Variants in RYR1 observed in about 807,000 individuals in gnomAD.
RYR1 encodes the protein central core disease of muscle.
Under a neutral mutation model 583.5 loss-of-function variants are expected in RYR1, and 342 were observed. The ratio of observed to expected loss-of-function variants is 0.59; its 90% confidence interval spans 0.54 to 0.64. RYR1 has a LOEUF of 0.64. Ranked by LOEUF, RYR1 falls within the 30% of genes least tolerant of loss-of-function variation. The probability of loss-of-function intolerance (pLI) is 0.00; values close to 1 mark genes in which losing one functional copy is unlikely to be tolerated. For synonymous variants in RYR1, 2,791 were observed against 2,822.5 expected (o/e 0.99, Z 0.35); for missense variants, 6,032 against 6,917.2 (o/e 0.87, Z 4.54).
rs1175081117 is a variant in RYR1 at position 38,485,869 on chromosome 19, G to A, written c.5214G>A (p.Thr1738=). ...TCTCTGAATACATCGTGCCCCTCAC[G>A]CCTGAGACCCGCGCCATCACGCTCT... ...SMLSEYIVPL[T]PETRAITLFP... is the part of the protein sequence containing the mutation. Residue 1738 remains threonine (T), a synonymous_variant, in exon 34 of 106, where the codon ACG becomes ACA. Transcript: ENST00000359596. 1.9e-6 allele frequency: 3 copies of A among 1,613,660 alleles called. No individual in the cohort carries two copies. The highest frequency in any genetic ancestry group is 2.2e-5 in the South Asian group (2 of 91,084).
rs1008695787 is a variant in RYR1 at position 38,465,054 on chromosome 19, G to A, written c.2870+332G>A. ...GGTAAGAGGTGAGAATCTGGAGGTC[G>A]TTGGAGTCGTCTAAGTAAGGGATCC... On this transcript the variant is annotated intron_variant, in intron 23 of 105. Coordinates refer to ENST00000359596, the MANE Select transcript of RYR1 (RefSeq NM_000540.3). Among the ~76,000 whole-genome samples the A allele has an allele frequency of 2.2e-4, 34 of 152,230 alleles. 1 individual carries two copies. The highest frequency in any genetic ancestry group is 2.6e-4 in the Non-Finnish European group (18 of 68,016).
At position 38,444,083 on chromosome 19, in the gene RYR1, C is replaced by T; in HGVS notation, c.425-66C>T. ...CCCGGGAGGCCTGGTGGAGGGAGAG[C>T]CCTGGGGAAGAGCATTCTGGGAAGC... On this transcript the variant is annotated intron_variant, in intron 5 of 105. Coordinates refer to ENST00000359596, the MANE Select transcript of RYR1 (RefSeq NM_000540.3). The surrounding 1 kb of genome is among the most constrained non-coding windows in gnomAD (Gnocchi z 5.1). 7.3e-7 allele frequency: 1 copy of T among 1,373,938 alleles called. No individual in the cohort carries two copies. 85.1% of individuals were successfully genotyped at this position (1,373,938 alleles called of 1,614,324 possible). A position where few individuals can be genotyped will look rare whatever the true frequency, so the allele number is the denominator to read the frequency against.
At chr19:38,525,220 GA>G (rs1568537473) in intron 70 of RYR1, 111 bp from the exon 71 acceptor site, 14 of 1,261,078 alleles carry the variant, frequency 1.1e-5, no homozygotes, top group Non-Finnish European at 9.2e-6. Flanking sequence ...GGCAGTTGGG[GA>G]GGGAGTGCCT....
intron 24 of RYR1, 122 bp from the exon 25 acceptor site, chr19:38,467,488 C>G (rs115703825): frequency 1.3e-5 from 14 of 1,068,254 alleles, no homozygotes; most frequent in South Asian, 1.1e-4. Flanking sequence ...AGAAATTGAC[C>G]CTCTTCCAAC....
intron 7 of RYR1, 65 bp from the exon 8 acceptor site, chr19:38,446,401 ACTTCAT>A: frequency 8.5e-7 from 1 of 1,180,146 alleles, no homozygotes; most frequent in Non-Finnish European, 1.3e-6. Context: ...AGGGCCCCTG[ACTTCAT>A]CTTGGCTCCT....
rs1973106525 is a variant in RYR1 at position 38,561,013 on chromosome 19, C to A, written c.12283-100C>A. ...CTGTGATTGCGCCACTGCACTCCAG[C>A]CTGGGCGACACAGCGAGACCTTGTC... is the stretch of plus-strand genomic sequence containing the variant. On this transcript the variant is annotated intron_variant, in intron 89 of 105. Transcript: ENST00000359596. The surrounding 1 kb of genome is among the most constrained non-coding windows in gnomAD (Gnocchi z 4.8). The A allele has an allele frequency of 1.8e-6, 2 of 1,140,288 alleles. No homozygotes were observed. The highest frequency in any genetic ancestry group is 2.5e-6 in the Non-Finnish European group (2 of 790,542). The allele number at this position is 1,140,288 out of a possible 1,614,324, so 70.6% of individuals were successfully genotyped here.
intron 27 of RYR1, among the ~76,000 whole-genome samples, chr19:38,471,463 G>A (rs1022326517): frequency 3.9e-5 from 6 of 152,198 alleles, no homozygotes; most frequent in South Asian, 2.1e-4. Context: ...CCAGGATTTC[G>A]GGGCTGCAGT....
Position 38,573,346 on chromosome 19 carries a change from G to C in RYR1, c.14129+39G>C. 1.9e-6 allele frequency: 3 copies of C among 1,607,000 alleles called. No homozygotes were observed. The East Asian group carries it at 6.7e-5, about 36-fold the overall frequency. On this transcript the variant is annotated intron_variant, in intron 96 of 105. Transcript: ENST00000359596. ...CCCCACCTCAGGGTGGCAGCAGGAG[G>C]GGACCTGGGTTTCCACCCAGTCCAG...
Position 38,498,031 on chromosome 19 carries a change from A to G in RYR1, c.6891+1077A>G, listed in dbSNP as rs543740054. On this transcript the variant is annotated intron_variant, in intron 42 of 105. Transcript: ENST00000359596. ...AAGTGACATTTGTGTAAAGCTCTGA[A>G]GGAAGGTGACAGGTCAGGTGGTCAT... Among the ~76,000 whole-genome samples the G allele has an allele frequency of 3.3e-5, 5 of 152,260 alleles. No individual in the cohort carries two copies. The East Asian group carries it at 9.6e-4, about 29-fold the overall frequency.
Position 38,500,075 on chromosome 19 carries a change from C to T in RYR1, c.7323+59C>T, listed in dbSNP as rs1434948607. On this transcript the variant is annotated intron_variant, in intron 45 of 105. Coordinates refer to ENST00000359596, the MANE Select transcript of RYR1 (RefSeq NM_000540.3). The surrounding 1 kb of genome is among the most constrained non-coding windows in gnomAD (Gnocchi z 5.9). ...AGGGCAGGCACAGCCGCTTTGAACGCCTCATGCAGGCACTCGGTGACACGG... is the reference window on the plus strand; with the variant it reads ...AGGGCAGGCACAGCCGCTTTGAACGTCTCATGCAGGCACTCGGTGACACGG... 1.4e-6 allele frequency: 2 copies of T among 1,469,152 alleles called. No homozygotes were observed. The highest frequency in any genetic ancestry group is 1.9e-6 in the Non-Finnish European group (2 of 1,052,966). The allele number at this position is 1,469,152 out of a possible 1,614,324, so 91.0% of individuals were successfully genotyped here.
intron 101 of RYR1, among the ~76,000 whole-genome samples, chr19:38,581,895 A>G (rs192622050): frequency 6.6e-6 from 1 of 152,288 alleles, no homozygotes; most frequent in East Asian, 1.9e-4. Flanking sequence ...GATGTGAGCA[A>G]CTGCACCCGG....
Position 38,494,592 on chromosome 19 carries a change from C to T in RYR1, c.6515C>T (p.Pro2172Leu), listed in dbSNP as rs376564417. ...TCGCTGCTCATCGTGCAGATGGGCC[C>T]CCAGGAGGAGAACCTCATGATCCAG... ...IRSLLIVQMG[P>L]QEENLMIQSI... The change falls in exon 39 of 106, where the codon CCC becomes CTC. Residue 2172 changes from proline to leucine, a missense_variant. Physicochemically the swap from Pro to Leu is moderately conservative, Grantham distance 98 (BLOSUM62 -3). Transcript: ENST00000359596. The T allele has an allele frequency of 1.9e-6, 3 of 1,614,020 alleles. No individual in the cohort carries two copies. The African/African-American group carries it at 4.0e-5, about 22-fold the overall frequency.
chr19:38,468,489 C>T (rs1052765815), intron 25 of RYR1, among the ~76,000 whole-genome samples: 5 of 152,226 alleles, frequency 3.3e-5, no homozygotes, highest in Non-Finnish European at 7.3e-5. Flanking sequence ...TTCTCTGTAT[C>T]AACCCAGGTA....
At chr19:38,535,850 T>C in intron 81 of RYR1, 147 bp from the exon 82 acceptor site, 2 of 763,506 alleles carry the variant, frequency 2.6e-6, no homozygotes, top group South Asian at 3.0e-5. Context: ...TTCTGCCAAC[T>C]CTTCATTTCT....
At position 38,444,607 on chromosome 19, in the gene RYR1, G is replaced by A. The variant is rs1016333794; in HGVS notation, c.561G>A (p.Glu187=). The change falls in exon 7 of 106, where the codon GAG becomes GAA. Residue 187 remains glutamate, a synonymous_variant. Transcript: ENST00000359596. This position sits in a 1 kb window ranked among gnomAD's most constrained non-coding sequence, Gnocchi z 5.1. ...AGCACCTGTCGACCGCCAGTGGGGAGCTCCAGGTTGACGCTTCCTTCATGC... is the reference window on the plus strand; with the variant it reads ...AGCACCTGTCGACCGCCAGTGGGGAACTCCAGGTTGACGCTTCCTTCATGC... ...RYLHLSTASG[E]LQVDASFMQT... 5 of 1,614,002 alleles carry A rather than the reference G, an allele frequency of 3.1e-6. No homozygotes were observed. Among genetic ancestry groups the A allele is most frequent in the East Asian group, 2.2e-5 (1 of 44,874 alleles).
intron 36 of RYR1, 100 bp from the exon 37 acceptor site, chr19:38,490,521 G>T: frequency 1.2e-6 from 1 of 866,606 alleles, no homozygotes; most frequent in Non-Finnish European, 1.9e-6. Context: ...TTCGACTCAT[G>T]ACCTTAGACA....
intron 20 of RYR1, among the ~76,000 whole-genome samples, chr19:38,461,721 G>GAAAAAAAAAAA (rs34209906): frequency 1.3e-5 from 1 of 75,094 alleles, no homozygotes; most frequent in Non-Finnish European, 2.4e-5. Flanking sequence ...GCAAAACCCT[G>GAAAAAAAAAAA]AAAAAAAAAA....
In RYR1 at chr19:38,448,403, T is replaced by C. The variant is rs754897642; in HGVS notation, c.849T>C (p.His283=). 7.4e-6 allele frequency: 12 copies of C among 1,612,744 alleles called. No homozygotes were observed. Among genetic ancestry groups the C allele is most frequent in the South Asian group, 2.2e-5 (2 of 91,086 alleles). Reference sequence around the variant, plus strand: ...GGGGCCAGCCACTCCGAGTCCGGCATGTCACTACCGGGCAGTACCTAGCGC... The same window carrying C: ...GGGGCCAGCCACTCCGAGTCCGGCACGTCACTACCGGGCAGTACCTAGCGC... ...LRWGQPLRVR[H]VTTGQYLALT... The change falls in exon 10 of 106, where the codon CAT becomes CAC. Residue 283 remains histidine, a synonymous_variant. Coordinates refer to ENST00000359596, the MANE Select transcript of RYR1 (RefSeq NM_000540.3).
At position 38,512,951 on chromosome 19, in the gene RYR1, G is replaced by A. The variant is rs1970796493; in HGVS notation, c.9472+468G>A. Among the ~76,000 whole-genome samples, 1 of 152,158 alleles carries A rather than the reference G, an allele frequency of 6.6e-6. No homozygotes were observed. The highest frequency in any genetic ancestry group is 1.5e-5 in the Non-Finnish European group (1 of 68,032). Reference sequence around the variant, plus strand: ...TGATCATACCACTGCACTCCAGCCTGGACAACAGAGCAAAATTCTGTCTCT... The same window carrying A: ...TGATCATACCACTGCACTCCAGCCTAGACAACAGAGCAAAATTCTGTCTCT... On this transcript the variant is annotated intron_variant, in intron 63 of 105. Transcript: ENST00000359596. The surrounding 1 kb of genome is among the most constrained non-coding windows in gnomAD (Gnocchi z 5.1).
Sources: gnomAD v4.1 joint callset for allele counts (sites outside exome capture counted in the v4.1 genomes callset) on GRCh38, gnomAD v4.1.1 for gene constraint, Gnocchi (gnomAD v3.1) non-coding constraint, MANE v1.5 for transcripts, NCBI Gene and HGNC (gene_info 2026-07-23, HGNC 2026-07-21) for gene names.